HOATZ: variants seen among roughly 807,000 people sequenced by gnomAD.
The protein encoded by HOATZ is cilia- and flagella-associated protein HOATZ.
A neutral mutation model predicts 24.9 loss-of-function variants in HOATZ; 26 were observed. That is an observed-to-expected ratio of 1.04 (90% CI 0.76 to 1.45). HOATZ has a LOEUF of 1.45. Among genes scored for constraint, HOATZ ranks in the 40% most tolerant of loss-of-function variants. HOATZ has a pLI of 0.00. For missense variants in HOATZ, 226 were observed against 201.5 expected (o/e 1.12, Z -0.74); for synonymous variants, 83 against 76.6 (o/e 1.08, Z -0.43).
At chr11:111,531,977 C>G (rs1867398560) in intron 3 of HOATZ, among the ~76,000 whole-genome samples, 1 of 152,174 alleles carries the variant, frequency 6.6e-6, no homozygotes, top group African/African-American at 2.4e-5. Context: ...CACGCTGTTT[C>G]CTCTGCCTTA....
chr11:111,536,931 C>A lies in HOATZ; in HGVS notation c.*104C>A. ...AGATCACTGGCAACATTATAGTAGA[C>A]AAAGAAATACAAGTTAAATACGCAG... is the stretch of plus-strand genomic sequence containing the variant. On this transcript the variant is annotated 3_prime_UTR_variant, in exon 6 of 6. Coordinates refer to ENST00000375618, the MANE Select transcript of HOATZ (RefSeq NM_001100388.2). 1 of 834,552 alleles carries A rather than the reference C, an allele frequency of 1.2e-6. No individual in the cohort carries two copies. The highest frequency in any genetic ancestry group is 1.6e-5 in the South Asian group (1 of 63,712). The allele number at this position is 834,552 out of a possible 1,614,324, so 51.7% of individuals were successfully genotyped here. A position where few individuals can be genotyped will look rare whatever the true frequency, so the allele number is the denominator to read the frequency against.
chr11:111,519,301 CT>C (rs1404765288), intron 3 of HOATZ: 1 of 173,196 alleles, frequency 5.8e-6, no homozygotes, highest in Non-Finnish European at 1.3e-5. Context: ...CTCAGTAAAT[CT>C]TTGTTTATTG....
intron 5 of HOATZ, chr11:111,535,301 C>T (rs1251083620): frequency 6.6e-6 from 1 of 152,144 alleles, no homozygotes; most frequent in Non-Finnish European, 1.5e-5. Flanking sequence ...GCTCAGCAAC[C>T]TAATTTCTCG....
In HOATZ at chr11:111,514,946, G is replaced by T; in HGVS notation, c.162G>T (p.Leu54=). 6.2e-7 allele frequency: 1 copy of T among 1,614,004 alleles called. No homozygotes were observed. The highest frequency in any genetic ancestry group is 2.2e-5 in the East Asian group (1 of 44,888). Residue 54 remains leucine, a synonymous_variant, in exon 1 of 6, where the codon CTG becomes CTT. Transcript: ENST00000375618. ...TGTATCCCCCTAGCGAATCTCAGCTGGTGCTGCGCAGAGACAGCAGTCAGC... is the reference window on the plus strand; with the variant it reads ...TGTATCCCCCTAGCGAATCTCAGCTTGTGCTGCGCAGAGACAGCAGTCAGC... The part of the protein sequence containing the change: ...ASMYPPSESQ[L]VLRRDSSQRL...
rs955774320 is a variant in HOATZ at position 111,514,822 on chromosome 11, A to G, written c.38A>G (p.Lys13Arg). 1.9e-6 allele frequency: 3 copies of G among 1,613,914 alleles called. No homozygotes were observed. The highest frequency in any genetic ancestry group is 1.1e-5 in the South Asian group (1 of 91,070). Residue 13 changes from lysine (K) to arginine (R), a missense_variant, in exon 1 of 6, where the codon AAA (lysine) becomes AGA (arginine). Transcript: ENST00000375618. ...CCCAGCGAAGAACCTAGCGGCCGAA[A>G]AGAGTCCCAGGAAATGTGCCCCCCG... ...TGPSEEPSGR[K>R]ESQEMCPPGL...
intron 3 of HOATZ, among the ~76,000 whole-genome samples, chr11:111,529,663 T>C (rs1462031987): frequency 6.6e-6 from 1 of 152,102 alleles, no homozygotes; most frequent in Non-Finnish European, 1.5e-5. Context: ...ACCCGGCCCC[T>C]CGTGTTATTT....
At chr11:111,535,078 T>C (rs1591559480) in intron 5 of HOATZ, 1 of 152,224 alleles carries the variant, frequency 6.6e-6, no homozygotes, top group South Asian at 2.1e-4. Context: ...TCAACATTAA[T>C]ATGACAAATA....
intron 3 of HOATZ, among the ~76,000 whole-genome samples, chr11:111,525,826 A>G (rs1867332995): frequency 6.6e-6 from 1 of 152,238 alleles, no homozygotes; most frequent in Non-Finnish European, 1.5e-5. Context: ...CCTATTTCCC[A>G]TTTAGAAAAA....
intron 3 of HOATZ, among the ~76,000 whole-genome samples, chr11:111,526,067 A>G (rs1867335638): frequency 1.3e-5 from 2 of 152,172 alleles, no homozygotes; most frequent in African/African-American, 4.8e-5. Flanking sequence ...AAGAGCGGGC[A>G]TTAACTAGGT....
chr11:111,534,633 C>T, intron 5 of HOATZ, 169 bp downstream of exon 5: 1 of 628,432 alleles, frequency 1.6e-6, no homozygotes. Context: ...CTATTAAAGC[C>T]TGTGTACGAA....
chr11:111,515,639 C>T, intron 2 of HOATZ, 87 bp downstream of exon 2: 1 of 1,145,112 alleles, frequency 8.7e-7, no homozygotes, highest in Non-Finnish European at 1.3e-6. Flanking sequence ...CTACTTTACA[C>T]TGTGGTATAA....
chr11:111,523,881 CCT>C (rs1038422773), intron 3 of HOATZ, among the ~76,000 whole-genome samples: 1 of 152,194 alleles, frequency 6.6e-6, no homozygotes, highest in Non-Finnish European at 1.5e-5. Flanking sequence ...GATATAAATG[CCT>C]CTTTCTTTAA....
Position 111,536,995 on chromosome 11 carries a change from A to G in HOATZ, c.*168A>G. 1.7e-6 allele frequency: 1 copy of G among 580,390 alleles called. No homozygotes were observed. The highest frequency in any genetic ancestry group is 1.9e-5 in the African/African-American group (1 of 53,746). The allele number at this position is 580,390 out of a possible 1,614,324, so 36.0% of individuals were successfully genotyped here. ...TTACCAGTTAGTGAGTACTTGTGTT[A>G]AAATAAAGAAATAAAGGTTAAATAT... On this transcript the variant is annotated 3_prime_UTR_variant, in exon 6 of 6. Coordinates refer to ENST00000375618, the MANE Select transcript of HOATZ (RefSeq NM_001100388.2).
rs73555133 is a variant in HOATZ, at chr11:111,515,169, C to T, written c.226+159C>T. ...ATATTTCCTGAACCCTTCCAGCAACCCTTCCACCCGAAAAGGATCAGTGGT... is the reference window on the plus strand; with the variant it reads ...ATATTTCCTGAACCCTTCCAGCAACTCTTCCACCCGAAAAGGATCAGTGGT... On this transcript the variant is annotated intron_variant, in intron 1 of 5. Coordinates refer to ENST00000375618, the MANE Select transcript of HOATZ (RefSeq NM_001100388.2). 3,138 of 620,308 alleles carry T rather than the reference C, an allele frequency of 5.1e-3. 89 individuals carry two copies. The African/African-American group carries it at 0.051, about 10-fold the overall frequency. The allele number at this position is 620,308 out of a possible 1,614,324, so 38.4% of individuals were successfully genotyped here.
intron 3 of HOATZ, among the ~76,000 whole-genome samples, chr11:111,523,152 C>T (rs1867289455): frequency 1.3e-5 from 2 of 150,696 alleles, no homozygotes; most frequent in Non-Finnish European, 1.5e-5. Flanking sequence ...CTCTGTGTTT[C>T]ACTCTCATAA....
chr11:111,515,015 G>GTT lies in HOATZ; in HGVS notation c.226+6_226+7insTT. 2 of 1,606,142 alleles carry GTT rather than the reference G, an allele frequency of 1.2e-6. No homozygotes were observed. The highest frequency in any genetic ancestry group is 1.7e-6 in the Non-Finnish European group (2 of 1,174,776). On this transcript the variant is annotated splice_donor_region_variant and intron_variant, in intron 1 of 5. Transcript: ENST00000375618. Reference sequence around the variant, plus strand: ...CCAGGAGGAGCAGAGGGTCTGGTGAGTAGAATAGCGGCCTCCTGTCAGTCA... The same window carrying GTT: ...CCAGGAGGAGCAGAGGGTCTGGTGAGTTTAGAATAGCGGCCTCCTGTCAGTCA...
At chr11:111,529,947 A>G (rs901169833) in intron 3 of HOATZ, among the ~76,000 whole-genome samples, 2 of 152,080 alleles carry the variant, frequency 1.3e-5, no homozygotes, top group Non-Finnish European at 2.9e-5. Flanking sequence ...GTATTCACCA[A>G]CTGACCCATA....
At chr11:111,516,460 A>G (rs534444091) in intron 3 of HOATZ, among the ~76,000 whole-genome samples, 1 of 152,150 alleles carries the variant, frequency 6.6e-6, no homozygotes, top group Non-Finnish European at 1.5e-5. Context: ...TACAATCCCA[A>G]TGCTTTGGGA....
In HOATZ at chr11:111,520,006, G is replaced by A. The variant is rs923563214; in HGVS notation, c.339+3896G>A. Among the ~76,000 whole-genome samples the A allele has an allele frequency of 2.0e-5, 3 of 152,124 alleles. 1 individual carries two copies. Among genetic ancestry groups the A allele is most frequent in the Middle Eastern group, 6.3e-3 (2 of 316 alleles). On this transcript the variant is annotated intron_variant, in intron 3 of 5. Transcript: ENST00000375618. ...AATGCTTTTGGTTAGTGATCAAAAT[G>A]CTGTTAATCACAATTGCTATTTCTG...
Sources: allele counts gnomAD v4.1 joint callset (sites outside exome capture counted in the v4.1 genomes callset), GRCh38; gene constraint gnomAD v4.1.1; transcripts MANE v1.5; gene names NCBI Gene and HGNC (gene_info 2026-07-23, HGNC 2026-07-21).